The following KLHL33 variants were observed in gnomAD, a reference collection of about 807,000 sequenced individuals.
The protein encoded by KLHL33 is kelch-like protein 33.
A neutral mutation model predicts 60.8 loss-of-function variants in KLHL33; 46 were observed. The observed-to-expected ratio is 0.76, with a 90% CI of 0.60 to 0.97. KLHL33 has a LOEUF of 0.97. Ranked by LOEUF, KLHL33 falls within the 50% of genes least tolerant of loss-of-function variation. KLHL33 has a pLI of 0.00. For synonymous variants in KLHL33, 434 were observed against 432.2 expected (o/e 1.00, Z -0.05); for missense variants, 1,055 against 1,000.0 (o/e 1.05, Z -0.74).
Position 20,430,633 on chromosome 14 carries a change from A to T in KLHL33, c.835T>A (p.Ser279Thr), listed in dbSNP as rs185913176. The change falls in exon 3 of 5, where the codon TCT (serine) becomes ACT (threonine). Residue 279 changes from serine (S) to threonine (T), a missense_variant. Physicochemically the swap from Ser to Thr is moderately conservative, Grantham distance 58. Coordinates refer to ENST00000636854, the MANE Select transcript of KLHL33 (RefSeq NM_001365790.2). ...TCCTGGGTGGAGATCGTCCGCAGAGATACCTCTGTGCCCTGGGATTCCCTC... is the reference window on the plus strand; with the variant it reads ...TCCTGGGTGGAGATCGTCCGCAGAGTTACCTCTGTGCCCTGGGATTCCCTC... Reference protein sequence around the residue: ...GMRESQGTEVSLRTISTQDLR... With the variant: ...GMRESQGTEVTLRTISTQDLR... 7.2e-6 allele frequency: 11 copies of T among 1,535,652 alleles called. No individual in the cohort carries two copies. The Admixed American group carries it at 2.0e-4, about 27-fold the overall frequency.
At position 20,429,270 on chromosome 14, in the gene KLHL33, A is replaced by C; in HGVS notation, c.1973T>G (p.Leu658Arg). The C allele has an allele frequency of 6.4e-7, 1 of 1,551,638 alleles. No homozygotes were observed. The highest frequency in any genetic ancestry group is 2.4e-5 in the East Asian group (1 of 40,910). Residue 658 changes from leucine (L) to arginine (R), a missense_variant, in exon 5 of 5, where the codon CTT (leucine) becomes CGT (arginine). Physicochemically the swap from Leu to Arg is moderately radical, Grantham distance 102. Coordinates refer to ENST00000636854, the MANE Select transcript of KLHL33 (RefSeq NM_001365790.2). Reference protein sequence around the residue: ...LASLMHYDPKLEKPGTFLSPM... With the variant: ...LASLMHYDPKREKPGTFLSPM... Reference sequence around the variant, plus strand: ...GCTCAGAAACGTCCCTGGCTTCTCAAGTTTGGGGTCATAGTGCATCAGTGA... The same window carrying C: ...GCTCAGAAACGTCCCTGGCTTCTCACGTTTGGGGTCATAGTGCATCAGTGA...
Position 20,426,786 on chromosome 14 carries a change from T to A in KLHL33, c.*2063A>T, listed in dbSNP as rs1442593763. 1 of 152,084 alleles carries A rather than the reference T, an allele frequency of 6.6e-6. No individual in the cohort carries two copies. Among genetic ancestry groups the A allele is most frequent in the Admixed American group, 6.6e-5 (1 of 15,250 alleles). 9.4% of individuals were successfully genotyped at this position (152,084 alleles called of 1,614,324 possible). On this transcript the variant is annotated 3_prime_UTR_variant, in exon 5 of 5. Transcript: ENST00000636854. Reference sequence around the variant, plus strand: ...AGCAAAGACTTGGAACCAACCCAAATGTCCAACAATGATAGACCGGATTAA... The same window carrying A: ...AGCAAAGACTTGGAACCAACCCAAAAGTCCAACAATGATAGACCGGATTAA...
In KLHL33 at chr14:20,430,275, A is replaced by C. The variant is rs202130260; in HGVS notation, c.1193T>G (p.Phe398Cys). 5.2e-6 allele frequency: 8 copies of C among 1,551,702 alleles called. No individual in the cohort carries two copies. The highest frequency in any genetic ancestry group is 7.0e-6 in the Non-Finnish European group (8 of 1,146,990). The change falls in exon 3 of 5, where the codon TTT becomes TGT. Residue 398 changes from phenylalanine (F) to cysteine (C), a missense_variant. Phe to Cys is a radical substitution (Grantham distance 205, BLOSUM62 -2). Coordinates refer to ENST00000636854, the MANE Select transcript of KLHL33 (RefSeq NM_001365790.2). ...ACACCGTGCAGCCACAAAGGCCTCA[A>C]ACTCCTCCTGCACATGGAGCTCATC... is the stretch of plus-strand genomic sequence containing the variant. ...DSDELHVQEE[F>C]EAFVAARCWL...
At position 20,430,246 on chromosome 14, in the gene KLHL33, G is replaced by C. The variant is rs758014312; in HGVS notation, c.1222C>G (p.Leu408Val). Residue 408 changes from leucine to valine, a missense_variant, in exon 3 of 5, where the codon CTG becomes GTG. Transcript: ENST00000636854. ...TCCTGGGTCTCGGGGTTGGCAGCCA[G>C]CCAACACCGTGCAGCCACAAAGGCC... ...FEAFVAARCWLAANPETQESE... is the reference protein window; with the variant it reads ...FEAFVAARCWVAANPETQESE... The C allele has an allele frequency of 1.6e-4, 245 of 1,551,590 alleles. No individual in the cohort carries two copies. The Middle Eastern group carries it at 1.7e-3, about 11-fold the overall frequency.
rs941296475 is a variant in KLHL33 at position 20,429,981 on chromosome 14, A to G, written c.1487T>C (p.Val496Ala). The G allele has an allele frequency of 6.4e-7, 1 of 1,551,542 alleles. No homozygotes were observed. Among genetic ancestry groups the G allele is most frequent in the Admixed American group, 2.0e-5 (1 of 51,002 alleles). Reference sequence around the variant, plus strand: ...ACAGCGGAAGGCCCGGGCCCACCACACTGCTCGGGATGGTTGTCTTAGGGC... The same window carrying G: ...ACAGCGGAAGGCCCGGGCCCACCACGCTGCTCGGGATGGTTGTCTTAGGGC... ...DMALRQPSRA[V>A]WWARAFRCGV... Residue 496 changes from valine to alanine, a missense_variant, in exon 3 of 5, where the codon GTG becomes GCG. Coordinates refer to ENST00000636854, the MANE Select transcript of KLHL33 (RefSeq NM_001365790.2).
intron 2 of KLHL33, among the ~76,000 whole-genome samples, chr14:20,432,564 C>A (rs1205663765): frequency 6.6e-6 from 1 of 151,452 alleles, no homozygotes; most frequent in African/African-American, 2.4e-5. Flanking sequence ...CTGGGTTGAA[C>A]AAACTCACTT....
chr14:20,435,804 A>T lies in KLHL33; in HGVS notation c.8T>A (p.Val3Asp). 8.1e-7 allele frequency: 1 copy of T among 1,234,598 alleles called. No individual in the cohort carries two copies. The highest frequency in any genetic ancestry group is 1.5e-5 in the African/African-American group (1 of 64,618). 76.5% of individuals were successfully genotyped at this position (1,234,598 alleles called of 1,614,324 possible). The change falls in exon 2 of 5, where the codon GTC becomes GAC. Residue 3 changes from valine to aspartate, a missense_variant. Val to Asp is a radical substitution (Grantham distance 152, BLOSUM62 -3). Coordinates refer to ENST00000636854, the MANE Select transcript of KLHL33 (RefSeq NM_001365790.2). MSVSDTPHYPPEL... is the reference protein window; with the variant it reads MSDSDTPHYPPEL... ...AGGGGGATAATGTGGGGTGTCCGAGACGCTCATGCCGAGGTTTGCTGGATA... is the reference window on the plus strand; with the variant it reads ...AGGGGGATAATGTGGGGTGTCCGAGTCGCTCATGCCGAGGTTTGCTGGATA...
At chr14:20,434,835 A>T (rs1037049396) in intron 2 of KLHL33, among the ~76,000 whole-genome samples, 2 of 152,144 alleles carry the variant, frequency 1.3e-5, no homozygotes, top group South Asian at 2.1e-4. Context: ...GACACAGGAA[A>T]AGCCAGACAG....
rs956560766 is a variant in KLHL33, at chr14:20,428,611, G to A, written c.*238C>T. Reference sequence around the variant, plus strand: ...CCCTAAGCCTTGTGGAGTTGCTCCCGAGTCTCCTTTCCTCACCTGGGTATT... The same window carrying A: ...CCCTAAGCCTTGTGGAGTTGCTCCCAAGTCTCCTTTCCTCACCTGGGTATT... On this transcript the variant is annotated 3_prime_UTR_variant, in exon 5 of 5. Coordinates refer to ENST00000636854, the MANE Select transcript of KLHL33 (RefSeq NM_001365790.2). 5 of 497,088 alleles carry A rather than the reference G, an allele frequency of 1.0e-5. No individual in the cohort carries two copies. The highest frequency in any genetic ancestry group is 3.5e-5 in the Admixed American group (1 of 28,230). 30.8% of individuals were successfully genotyped at this position (497,088 alleles called of 1,614,324 possible).
chr14:20,428,577 C>T lies in KLHL33; in HGVS notation c.*272G>A. ...TCTCTTTCAAACTAGATGCCCTTTCCCTAAGAATCCCTAAGCCTTGTGGAG... is the reference window on the plus strand; with the variant it reads ...TCTCTTTCAAACTAGATGCCCTTTCTCTAAGAATCCCTAAGCCTTGTGGAG... On this transcript the variant is annotated 3_prime_UTR_variant, in exon 5 of 5. Transcript: ENST00000636854. 1 of 410,282 alleles carries T rather than the reference C, an allele frequency of 2.4e-6. No homozygotes were observed. Among genetic ancestry groups the T allele is most frequent in the Non-Finnish European group, 4.4e-6 (1 of 227,970 alleles). 25.4% of individuals were successfully genotyped at this position (410,282 alleles called of 1,614,324 possible).
Position 20,428,755 on chromosome 14 carries a change from C to A in KLHL33, c.*94G>T, listed in dbSNP as rs1197840523. The A allele has an allele frequency of 2.7e-6, 3 of 1,107,126 alleles. No homozygotes were observed. Among genetic ancestry groups the A allele is most frequent in the Non-Finnish European group, 3.9e-6 (3 of 777,598 alleles). The allele number at this position is 1,107,126 out of a possible 1,614,324, so 68.6% of individuals were successfully genotyped here. Reference sequence around the variant, plus strand: ...GCACAGTGTGAGAATAAAATACTACCAAGAATAAAGCCTCTTTTCACTCCC... The same window carrying A: ...GCACAGTGTGAGAATAAAATACTACAAAGAATAAAGCCTCTTTTCACTCCC... On this transcript the variant is annotated 3_prime_UTR_variant, in exon 5 of 5. Coordinates refer to ENST00000636854, the MANE Select transcript of KLHL33 (RefSeq NM_001365790.2).
chr14:20,430,667 C>G lies in KLHL33; in HGVS notation c.801G>C (p.Leu267=). Residue 267 remains leucine, a synonymous_variant, in exon 3 of 5, where the codon CTG becomes CTC. Coordinates refer to ENST00000636854, the MANE Select transcript of KLHL33 (RefSeq NM_001365790.2). Reference sequence around the variant, plus strand: ...TGCCCTGGGATTCCCTCATCCCGCTCAGGAGCATGGCCCCAAAGAACTCAC... The same window carrying G: ...TGCCCTGGGATTCCCTCATCCCGCTGAGGAGCATGGCCCCAAAGAACTCAC... ...CGSEFFGAML[L]SGMRESQGTE... is the part of the protein sequence containing the mutation. 6.5e-7 allele frequency: 1 copy of G among 1,534,348 alleles called. No individual in the cohort carries two copies. Among genetic ancestry groups the G allele is most frequent in the East Asian group, 2.4e-5 (1 of 40,922 alleles).
chr14:20,429,705 TCTGGGCATC>T, intron 3 of KLHL33, 36 bp from the exon 4 acceptor site: 1 of 1,543,588 alleles, frequency 6.5e-7, no homozygotes, highest in East Asian at 2.4e-5. Context: ...GAAGAGGGAC[TCTGGGCATC>T]CGTGGTTGGC....
Position 20,430,663 on chromosome 14 carries a change from C to A in KLHL33, c.805G>T (p.Gly269Trp). 1 of 1,534,546 alleles carries A rather than the reference C, an allele frequency of 6.5e-7. No homozygotes were observed. Residue 269 changes from glycine to tryptophan, a missense_variant, in exon 3 of 5, where the codon GGG (glycine) becomes TGG (tryptophan). Coordinates refer to ENST00000636854, the MANE Select transcript of KLHL33 (RefSeq NM_001365790.2). ...TCTGTGCCCTGGGATTCCCTCATCC[C>A]GCTCAGGAGCATGGCCCCAAAGAAC... ...SEFFGAMLLS[G>W]MRESQGTEVS...
In KLHL33 at chr14:20,429,533, CCA is replaced by C. The variant is rs764897743; in HGVS notation, c.1808_1809del (p.Val603GlyfsTer6). On this transcript the variant is annotated frameshift_variant, in exon 4 of 5. Transcript: ENST00000636854. LOFTEE classifies it high-confidence loss of function. Reference sequence around the variant, plus strand: ...ACATTGAGCTCAGGGTTGTAGGTCTCCACAGAGTCCAGGGCAACATCATTGTG... The same window carrying C: ...ACATTGAGCTCAGGGTTGTAGGTCTCCAGAGTCCAGGGCAACATCATTGTG... ...GRHNDVALDS[V>X]ETYNPELNVW... 2.6e-5 allele frequency: 40 copies of C among 1,552,138 alleles called. 2 individuals are homozygous for C. The South Asian group carries it at 4.6e-4, about 18-fold the overall frequency.
rs768797046 is a variant in KLHL33, at chr14:20,427,648, T to C, written c.*1201A>G. The C allele has an allele frequency of 9.2e-5, 14 of 152,232 alleles. No individual in the cohort carries two copies. The highest frequency in any genetic ancestry group is 2.1e-4 in the Non-Finnish European group (14 of 68,056). The allele number at this position is 152,232 out of a possible 1,614,324, so 9.4% of individuals were successfully genotyped here. A position where few individuals can be genotyped will look rare whatever the true frequency, so the allele number is the denominator to read the frequency against. The stretch of plus-strand genomic sequence containing the variant: ...TCTGGGCTCTCGCAAGACTCGTCCA[T>C]ACATGTAAGTCCACTCAAAATTTGT... On this transcript the variant is annotated 3_prime_UTR_variant, in exon 5 of 5. Coordinates refer to ENST00000636854, the MANE Select transcript of KLHL33 (RefSeq NM_001365790.2).
Position 20,427,369 on chromosome 14 carries a change from C to T in KLHL33, c.*1480G>A, listed in dbSNP as rs1047532021. The T allele has an allele frequency of 6.6e-6, 1 of 152,058 alleles. No individual in the cohort carries two copies. The highest frequency in any genetic ancestry group is 1.5e-5 in the Non-Finnish European group (1 of 68,008). 9.4% of individuals were successfully genotyped at this position (152,058 alleles called of 1,614,324 possible). A position where few individuals can be genotyped will look rare whatever the true frequency, so the allele number is the denominator to read the frequency against. ...CAATCATTAAGTGAAAGCCATTATC[C>T]TCAGGAAGGCTCCAGAGAAGAGAGT... On this transcript the variant is annotated 3_prime_UTR_variant, in exon 5 of 5. Coordinates refer to ENST00000636854, the MANE Select transcript of KLHL33 (RefSeq NM_001365790.2).
chr14:20,430,659 A>AT lies in KLHL33; in HGVS notation c.808dup (p.Met270AsnfsTer116). On this transcript the variant is annotated frameshift_variant, in exon 3 of 5. Transcript: ENST00000636854. LOFTEE classifies it high-confidence loss of function. ...TACCTCTGTGCCCTGGGATTCCCTC[A>AT]TCCCGCTCAGGAGCATGGCCCCAAA... is the stretch of plus-strand genomic sequence containing the variant. 1 of 1,535,212 alleles carries AT rather than the reference A, an allele frequency of 6.5e-7. No individual in the cohort carries two copies.
In KLHL33 at chr14:20,429,271, G is replaced by T; in HGVS notation, c.1972C>A (p.Leu658Ile). Reference protein sequence around the residue: ...LASLMHYDPKLEKPGTFLSPM... With the variant: ...LASLMHYDPKIEKPGTFLSPM... ...CTCAGAAACGTCCCTGGCTTCTCAAGTTTGGGGTCATAGTGCATCAGTGAG... is the reference window on the plus strand; with the variant it reads ...CTCAGAAACGTCCCTGGCTTCTCAATTTTGGGGTCATAGTGCATCAGTGAG... The change falls in exon 5 of 5, where the codon CTT becomes ATT. Residue 658 changes from leucine (L) to isoleucine (I), a missense_variant. Leu to Ile is a conservative substitution (Grantham distance 5). Transcript: ENST00000636854. 2 of 1,551,688 alleles carry T rather than the reference G, an allele frequency of 1.3e-6. No individual in the cohort carries two copies. The highest frequency in any genetic ancestry group is 1.7e-6 in the Non-Finnish European group (2 of 1,147,012).
Sources: allele counts gnomAD v4.1 joint callset (sites outside exome capture counted in the v4.1 genomes callset), GRCh38; gene constraint gnomAD v4.1.1; transcripts MANE v1.5; gene names NCBI Gene and HGNC (gene_info 2026-07-23, HGNC 2026-07-21).